Variants in XPO6 observed in about 807,000 individuals in gnomAD.
The protein encoded by XPO6 is exportin-6.
A neutral mutation model predicts 130.0 loss-of-function variants in XPO6; 3 were observed. The ratio of observed to expected loss-of-function variants is 0.02; its 90% CI spans 0.01 to 0.06. The LOEUF is 0.06. XPO6 is among the 10% of genes least tolerant of loss of function. The pLI is 1.00. For missense variants in XPO6, 970 were observed against 1,393.0 expected (o/e 0.70, Z 4.83); for synonymous variants, 524 against 548.9 (o/e 0.95, Z 0.63).
At chr16:28,134,085 T>C in intron 10 of XPO6, 152 bp from the exon 11 acceptor site, 1 of 683,922 alleles carries the variant, frequency 1.5e-6, no homozygotes, top group South Asian at 1.9e-5. Flanking sequence ...CTAGAATTTT[T>C]TAAAAACAAT....
intron 9 of XPO6, among the ~76,000 whole-genome samples, chr16:28,141,914 C>T (rs1008677402): frequency 6.6e-6 from 1 of 152,240 alleles, no homozygotes; most frequent in Non-Finnish European, 1.5e-5. Context: ...GAGCCAAGAT[C>T]GCGCCACTGC....
intron 14 of XPO6, among the ~76,000 whole-genome samples, chr16:28,121,092 A>G (rs1021394729): frequency 2.0e-5 from 3 of 152,240 alleles, no homozygotes; most frequent in Non-Finnish European, 4.4e-5. Context: ...TCCTAACAGC[A>G]TCCCATGTTA....
intron 23 of XPO6, among the ~76,000 whole-genome samples, chr16:28,100,764 C>T (rs944712161): frequency 6.6e-6 from 1 of 152,226 alleles, no homozygotes; most frequent in African/African-American, 2.4e-5. Flanking sequence ...AAGAAGAGAA[C>T]AGGTGAGCCC....
chr16:28,147,164 T>C (rs766956987), intron 8 of XPO6, among the ~76,000 whole-genome samples: 1 of 152,156 alleles, frequency 6.6e-6, no homozygotes, highest in Non-Finnish European at 1.5e-5. Context: ...CACATGGAAA[T>C]CTAGACGTTT....
Position 28,117,416 on chromosome 16 carries a change from C to G in XPO6, c.1906G>C (p.Ala636Pro). The G allele has an allele frequency of 6.2e-7, 1 of 1,614,196 alleles. No individual in the cohort carries two copies. Among genetic ancestry groups the G allele is most frequent in the South Asian group, 1.1e-5 (1 of 91,080 alleles). ...CGGTGAACTTCACTGCAATACTGTG[C>G]TAACCAGTGAGAGTAAGCCTGCAGC... ...AALQAYSHWL[A>P]QYCSEVHRQN... is the part of the protein sequence containing the mutation. The change falls in exon 15 of 24, where the codon GCA (alanine) becomes CCA (proline). Residue 636 changes from alanine (A) to proline (P), a missense_variant. By Grantham distance (27) the Ala-to-Pro change is conservative. Transcript: ENST00000304658.
rs769992717 is a variant in XPO6 at position 28,125,764 on chromosome 16, A to C, written c.1691T>G (p.Val564Gly). 5.5e-5 allele frequency: 88 copies of C among 1,614,102 alleles called. No individual in the cohort carries two copies. Among genetic ancestry groups the C allele is most frequent in the Non-Finnish European group, 6.9e-5 (81 of 1,180,052 alleles). The change falls in exon 13 of 24, where the codon GTG becomes GGG. Residue 564 changes from valine (V) to glycine (G), a missense_variant. Physicochemically the swap from Val to Gly is moderately radical, Grantham distance 109. Transcript: ENST00000304658. ...LRDLSSLLQA[V>G]GRLAEYFIGD... The stretch of plus-strand genomic sequence containing the variant: ...GATAAAGTACTCGGCCAGGCGGCCC[A>C]CGGCCTGCAGCAGGGAGCTCAAGTC...
In XPO6 at chr16:28,104,657, C is replaced by A. The variant is rs768661455; in HGVS notation, c.2835G>T (p.Thr945=). ...AGAAGTACCTCCAGTTGTGATGGAG[C>A]GTCCGGAAAAGGAGCTCAAACAGCT... The part of the protein sequence containing the change: ...KAELFELLFR[T]LHHNWRYFFK... Residue 945 remains threonine, a synonymous_variant, in exon 21 of 24, where the codon ACG becomes ACT. Coordinates refer to ENST00000304658, the MANE Select transcript of XPO6 (RefSeq NM_015171.4). 1 of 1,614,166 alleles carries A rather than the reference C, an allele frequency of 6.2e-7. No homozygotes were observed.
intron 8 of XPO6, among the ~76,000 whole-genome samples, chr16:28,150,311 A>G (rs971290926): frequency 2.6e-5 from 4 of 152,332 alleles, no homozygotes; most frequent in African/African-American, 9.6e-5. Flanking sequence ...GGTTTGCTTC[A>G]TGAGCATACT....
intron 14 of XPO6, among the ~76,000 whole-genome samples, chr16:28,117,984 C>G (rs1596808780): frequency 6.6e-6 from 1 of 152,358 alleles, no homozygotes; most frequent in South Asian, 2.1e-4. Flanking sequence ...GCTGTACTGA[C>G]TGCATCGTAC....
chr16:28,197,989 A>AACC (rs778368089), intron 1 of XPO6, among the ~76,000 whole-genome samples: 6 of 92,990 alleles, frequency 6.5e-5, no homozygotes, highest in East Asian at 3.6e-4. Context: ...AAAAAAAAAA[A>AACC]CCCTCATACC....
In XPO6 at chr16:28,154,255, T is replaced by TAAA. The variant is rs11284457; in HGVS notation, c.1098-1473_1098-1471dup. 1,034 of 809,976 alleles carry TAAA rather than the reference T, an allele frequency of 1.3e-3. 5 individuals are homozygous for TAAA. Among genetic ancestry groups the TAAA allele is most frequent in the South Asian group, 8.0e-3 (122 of 15,304 alleles). 50.2% of individuals were successfully genotyped at this position (809,976 alleles called of 1,614,324 possible). A position where few individuals can be genotyped will look rare whatever the true frequency, so the allele number is the denominator to read the frequency against. On this transcript the variant is annotated intron_variant, in intron 7 of 23. Transcript: ENST00000304658. The stretch of plus-strand genomic sequence containing the variant: ...TGCACTCAATTCCCTACTACCCATT[T>TAAA]AAAAAAAAAAAAAAAAAAAAAAAAG...
At chr16:28,116,698 A>G (rs1210994860) in intron 15 of XPO6, among the ~76,000 whole-genome samples, 1 of 152,232 alleles carries the variant, frequency 6.6e-6, no homozygotes, top group East Asian at 1.9e-4. Context: ...GAGCAGTCAG[A>G]ACACACACAT....
At chr16:28,200,581 T>C (rs2043939375) in intron 1 of XPO6, among the ~76,000 whole-genome samples, 1 of 151,882 alleles carries the variant, frequency 6.6e-6, no homozygotes, top group Admixed American at 6.6e-5. Flanking sequence ...GAGCAACAGG[T>C]AAAGATTCCG....
intron 13 of XPO6, among the ~76,000 whole-genome samples, chr16:28,124,218 C>T (rs995396060): frequency 3.3e-5 from 5 of 152,090 alleles, no homozygotes; most frequent in South Asian, 4.2e-4. Context: ...TCCCCACGCC[C>T]GGCTAATTTT....
In XPO6 at chr16:28,135,305, G is replaced by A. The variant is rs2042753935; in HGVS notation, c.1354C>T (p.Leu452Phe). 1 of 1,613,698 alleles carries A rather than the reference G, an allele frequency of 6.2e-7. No individual in the cohort carries two copies. The highest frequency in any genetic ancestry group is 8.5e-7 in the Non-Finnish European group (1 of 1,179,798). The change falls in exon 10 of 24, where the codon CTC (leucine) becomes TTC (phenylalanine). Residue 452 changes from leucine to phenylalanine, a missense_variant. Coordinates refer to ENST00000304658, the MANE Select transcript of XPO6 (RefSeq NM_015171.4). Reference sequence around the variant, plus strand: ...CGATTCAACACCTCTGTGAGCAGGAGCACCAGGGCATCTTCGTACCTATGT... The same window carrying A: ...CGATTCAACACCTCTGTGAGCAGGAACACCAGGGCATCTTCGTACCTATGT... ...VLNRYEDALV[L>F]LLTEVLNRIQ... is the part of the protein sequence containing the mutation.
chr16:28,108,860 G>A (rs114351768), intron 17 of XPO6, among the ~76,000 whole-genome samples: 1,530 of 152,336 alleles, frequency 0.01, 32 homozygotes, highest in African/African-American at 0.035. Context: ...CTGAACACGT[G>A]GATAGAGAGC....
In XPO6 at chr16:28,111,798, T is replaced by C; in HGVS notation, c.2341+19A>G. On this transcript the variant is annotated intron_variant, in intron 17 of 23. Transcript: ENST00000304658. ...TGCCTACCTCCTTCCCCAGCTGTCC[T>C]AGCCTAGGGGTCACTTACTGTCATC... 1.2e-6 allele frequency: 2 copies of C among 1,612,192 alleles called. No homozygotes were observed. Among genetic ancestry groups the C allele is most frequent in the Non-Finnish European group, 1.7e-6 (2 of 1,178,546 alleles).
At chr16:28,169,197 C>T (rs945274298) in intron 5 of XPO6, among the ~76,000 whole-genome samples, 17 of 152,202 alleles carry the variant, frequency 1.1e-4, no homozygotes, top group Admixed American at 4.6e-4. Flanking sequence ...GGGCACTCCC[C>T]TCTCCTCCTA....
At chr16:28,143,471 A>G (rs1015155339) in intron 9 of XPO6, among the ~76,000 whole-genome samples, 1 of 152,260 alleles carries the variant, frequency 6.6e-6, no homozygotes, top group African/African-American at 2.4e-5. Flanking sequence ...TGATCAGCAT[A>G]TAACTTGACC....
Sources: gnomAD v4.1 joint callset for allele counts (sites outside exome capture counted in the v4.1 genomes callset) on GRCh38, gnomAD v4.1.1 for gene constraint, MANE v1.5 for transcripts, NCBI Gene and HGNC (gene_info 2026-07-23, HGNC 2026-07-21) for gene names.